Variants in GRIK5 observed in about 807,000 individuals in gnomAD.
The protein encoded by GRIK5 is glutamate ionotropic receptor kainate type subunit 5.
A neutral mutation model predicts 97.4 loss-of-function variants in GRIK5; 43 were observed. The observed-to-expected ratio is 0.44, with a 90% CI of 0.35 to 0.57. The LOEUF is 0.57. GRIK5 is among the 20% of genes least tolerant of loss of function. GRIK5 has a pLI of 0.01. For missense variants in GRIK5, 1,015 were observed against 1,382.0 expected, an observed-to-expected ratio of 0.73 and a Z score of 4.21; for synonymous variants, 580 against 583.5, an observed-to-expected ratio of 0.99 and a Z score of 0.09.
In GRIK5 at chr19:42,002,901, A is replaced by G. The variant is rs1555871336; in HGVS notation, c.2514+431T>C. Reference sequence around the variant, plus strand: ...CAGGTGTGCACCACCATGCCCGGCTAATTTTTGTATTTTTAGTAGAGATGG... The same window carrying G: ...CAGGTGTGCACCACCATGCCCGGCTGATTTTTGTATTTTTAGTAGAGATGG... On this transcript the variant is annotated intron_variant, in intron 19 of 19. Transcript: ENST00000593562. The surrounding 1 kb of genome is among the most constrained non-coding windows in gnomAD (Gnocchi z 5.2). Among the ~76,000 whole-genome samples the G allele has an allele frequency of 6.6e-6, 1 of 151,882 alleles. No individual in the cohort carries two copies. The highest frequency in any genetic ancestry group is 2.4e-5 in the African/African-American group (1 of 41,316).
rs543192801 is a variant in GRIK5 at position 42,022,762 on chromosome 19, G to A, written c.1474-408C>T. On this transcript the variant is annotated intron_variant, in intron 12 of 19. Coordinates refer to ENST00000593562, the MANE Select transcript of GRIK5 (RefSeq NM_002088.5). The surrounding 1 kb of genome is among the most constrained non-coding windows in gnomAD (Gnocchi z 4.2). ...GCCCGGACAGAACACAGAGCAGGGAGAGAGGAGGCAGGGCCCAGAAATGAC... is the reference window on the plus strand; with the variant it reads ...GCCCGGACAGAACACAGAGCAGGGAAAGAGGAGGCAGGGCCCAGAAATGAC... 5.7e-6 allele frequency: 4 copies of A among 700,294 alleles called. No homozygotes were observed. Among genetic ancestry groups the A allele is most frequent in the East Asian group, 1.3e-4 (1 of 7,496 alleles). 43.4% of individuals were successfully genotyped at this position (700,294 alleles called of 1,614,324 possible). A position where few individuals can be genotyped will look rare whatever the true frequency, so the allele number is the denominator to read the frequency against.
intron 5 of GRIK5, among the ~76,000 whole-genome samples, chr19:42,060,325 C>T (rs964554818): frequency 6.6e-6 from 1 of 151,924 alleles, no homozygotes; most frequent in Non-Finnish European, 1.5e-5. Context: ...GTGAGTGAAG[C>T]AGACCAGGTA....
chr19:42,028,823 T>C (rs1264505245), intron 12 of GRIK5, among the ~76,000 whole-genome samples: 3 of 152,272 alleles, frequency 2.0e-5, no homozygotes, highest in Non-Finnish European at 2.9e-5. Flanking sequence ...TAAAGTTTTA[T>C]TGGAACACAG....
In GRIK5 at chr19:42,022,465, A is replaced by G. The variant is rs565779827; in HGVS notation, c.1474-111T>C. On this transcript the variant is annotated intron_variant, in intron 12 of 19. Coordinates refer to ENST00000593562, the MANE Select transcript of GRIK5 (RefSeq NM_002088.5). This position sits in a 1 kb window ranked among gnomAD's most constrained non-coding sequence, Gnocchi z 4.2. ...AGCAACTGAGGGAGGCGAGAGAGAG[A>G]GAGGTAGGGAGGGGGAGGGGCCAGG... 3 of 1,461,538 alleles carry G rather than the reference A, an allele frequency of 2.1e-6. No homozygotes were observed. The highest frequency in any genetic ancestry group is 2.8e-5 in the African/African-American group (2 of 70,930). The allele number at this position is 1,461,538 out of a possible 1,614,324, so 90.5% of individuals were successfully genotyped here.
Position 42,006,052 on chromosome 19 carries a change from T to C in GRIK5, c.2038-104A>G. ...GGAAGTCTCCCTCAACCCAGGAGAA[T>C]GCAAGGTGATCAAAGGAAGACAGAG... On this transcript the variant is annotated intron_variant, in intron 16 of 19. Transcript: ENST00000593562. The surrounding 1 kb of genome is among the most constrained non-coding windows in gnomAD (Gnocchi z 5.3). 1 of 680,220 alleles carries C rather than the reference T, an allele frequency of 1.5e-6. No individual in the cohort carries two copies. The highest frequency in any genetic ancestry group is 1.7e-5 in the South Asian group (1 of 59,542). 42.1% of individuals were successfully genotyped at this position (680,220 alleles called of 1,614,324 possible). A position where few individuals can be genotyped will look rare whatever the true frequency, so the allele number is the denominator to read the frequency against.
chr19:42,041,945 T>C (rs773788204), intron 12 of GRIK5, among the ~76,000 whole-genome samples: 3 of 152,104 alleles, frequency 2.0e-5, no homozygotes, highest in South Asian at 2.1e-4. Flanking sequence ...CTGTGGTCAT[T>C]CACTGTCTTG....
Position 42,009,327 on chromosome 19 carries a change from C to T in GRIK5, c.1872-2517G>A, listed in dbSNP as rs189741128. ...GCGCGATCTCGACTCACTGCAACCTCCGCTTCCCGGGTTCAAGCGATTCTC... is the reference window on the plus strand; with the variant it reads ...GCGCGATCTCGACTCACTGCAACCTTCGCTTCCCGGGTTCAAGCGATTCTC... On this transcript the variant is annotated intron_variant, in intron 15 of 19. Transcript: ENST00000593562. 4.6e-5 allele frequency among the ~76,000 whole-genome samples: 7 copies of T among 152,136 alleles called. No homozygotes were observed. In the East Asian group the frequency reaches 1.4e-3, roughly 30 times the overall value.
chr19:42,068,103 T>C (rs1314685694), intron 1 of GRIK5, among the ~76,000 whole-genome samples: 1 of 151,840 alleles, frequency 6.6e-6, no homozygotes, highest in Non-Finnish European at 1.5e-5. Flanking sequence ...AGAGACAGTA[T>C]GTCGGAGCTG....
At position 42,022,139 on chromosome 19, in the gene GRIK5, C is replaced by A; in HGVS notation, c.1588-83G>T. On this transcript the variant is annotated intron_variant, in intron 13 of 19. Transcript: ENST00000593562. This position sits in a 1 kb window ranked among gnomAD's most constrained non-coding sequence, Gnocchi z 4.2. ...CCCTGCCCTACCAGGGACCTGGGAGCCTGACCGGCCCATCTGAGGTCCTGG... is the reference window on the plus strand; with the variant it reads ...CCCTGCCCTACCAGGGACCTGGGAGACTGACCGGCCCATCTGAGGTCCTGG... The A allele has an allele frequency of 7.2e-7, 1 of 1,387,674 alleles. No individual in the cohort carries two copies. The highest frequency in any genetic ancestry group is 1.2e-5 in the South Asian group (1 of 83,378). The allele number at this position is 1,387,674 out of a possible 1,614,324, so 86.0% of individuals were successfully genotyped here. A position where few individuals can be genotyped will look rare whatever the true frequency, so the allele number is the denominator to read the frequency against.
intron 12 of GRIK5, among the ~76,000 whole-genome samples, chr19:42,041,177 G>A (rs988747962): frequency 2.6e-5 from 4 of 152,196 alleles, no homozygotes; most frequent in African/African-American, 9.6e-5. Context: ...GTCTTCCCTC[G>A]TGATGTTCAG....
chr19:42,013,771 T>C (rs2075593774), intron 15 of GRIK5, among the ~76,000 whole-genome samples: 1 of 152,154 alleles, frequency 6.6e-6, no homozygotes, highest in Non-Finnish European at 1.5e-5. Flanking sequence ...CCAATTACCC[T>C]GATCCCAGCA....
rs568406707 is a variant in GRIK5 at position 42,042,818 on chromosome 19, T to C, written c.1270-63A>G. Reference sequence around the variant, plus strand: ...TGTCTAGTGGCTGGGTTGCGGATCCTGGAGCCCGGACCAGGCAGGTAGAGC... The same window carrying C: ...TGTCTAGTGGCTGGGTTGCGGATCCCGGAGCCCGGACCAGGCAGGTAGAGC... On this transcript the variant is annotated intron_variant, in intron 11 of 19. Transcript: ENST00000593562. The surrounding 1 kb of genome is among the most constrained non-coding windows in gnomAD (Gnocchi z 6.9). The C allele has an allele frequency of 1.5e-6, 2 of 1,312,406 alleles. No homozygotes were observed. Among genetic ancestry groups the C allele is most frequent in the Non-Finnish European group, 2.2e-6 (2 of 928,670 alleles). 81.3% of individuals were successfully genotyped at this position (1,312,406 alleles called of 1,614,324 possible).
At position 42,021,188 on chromosome 19, in the gene GRIK5, C is replaced by G. The variant is rs1387297494; in HGVS notation, c.1871+113G>C. ...CCCCATTCCTCGTCACACAGCTCTG[C>G]AAGGGAAAACGGGGAATCAAATCTT... On this transcript the variant is annotated intron_variant, in intron 15 of 19. Coordinates refer to ENST00000593562, the MANE Select transcript of GRIK5 (RefSeq NM_002088.5). The surrounding 1 kb of genome is among the most constrained non-coding windows in gnomAD (Gnocchi z 4.2). The G allele has an allele frequency of 2.3e-6, 2 of 858,460 alleles. No individual in the cohort carries two copies. The highest frequency in any genetic ancestry group is 3.6e-6 in the Non-Finnish European group (2 of 562,976). 53.2% of individuals were successfully genotyped at this position (858,460 alleles called of 1,614,324 possible).
chr19:42,003,688 G>A lies in GRIK5; in HGVS notation c.2264-5C>T, dbSNP rs1555871703. ...TCTCATCCCGGAACGGGGAGCCTGG[G>A]CAGGCACACGAGGGGCTGGACCAGC... On this transcript the variant is annotated splice_polypyrimidine_tract_variant and splice_region_variant and intron_variant, in intron 17 of 19. Coordinates refer to ENST00000593562, the MANE Select transcript of GRIK5 (RefSeq NM_002088.5). The surrounding 1 kb of genome is among the most constrained non-coding windows in gnomAD (Gnocchi z 4.2). The A allele has an allele frequency of 6.2e-7, 1 of 1,605,884 alleles. No individual in the cohort carries two copies. Among genetic ancestry groups the A allele is most frequent in the Non-Finnish European group, 8.5e-7 (1 of 1,175,900 alleles).
Position 42,003,315 on chromosome 19 carries a change from A to G in GRIK5, c.2514+17T>C, listed in dbSNP as rs782018573. 3 of 810,184 alleles carry G rather than the reference A, an allele frequency of 3.7e-6. No homozygotes were observed. Among genetic ancestry groups the G allele is most frequent in the Non-Finnish European group, 5.6e-6 (3 of 535,532 alleles). 50.2% of individuals were successfully genotyped at this position (810,184 alleles called of 1,614,324 possible). A position where few individuals can be genotyped will look rare whatever the true frequency, so the allele number is the denominator to read the frequency against. On this transcript the variant is annotated intron_variant, in intron 19 of 19. Transcript: ENST00000593562. This position sits in a 1 kb window ranked among gnomAD's most constrained non-coding sequence, Gnocchi z 4.2. ...GGGGTCCCTGTTCCTGCCCACCCCC[A>G]CCCCCAGCCTCCTCACCTCCTCGGA...
At position 41,999,254 on chromosome 19, in the gene GRIK5, A is replaced by C. The variant is rs1599735369; in HGVS notation, c.2560T>G (p.Ser854Ala). The change falls in exon 20 of 20, where the codon TCT (serine) becomes GCT (alanine). Residue 854 changes from serine to alanine, a missense_variant. By Grantham distance (99) the Ser-to-Ala change is moderately conservative. This residue lies in a region of GRIK5 where 229 missense variants were observed against 341.0 expected (regional missense o/e 0.67). Coordinates refer to ENST00000593562, the MANE Select transcript of GRIK5 (RefSeq NM_002088.5). The surrounding 1 kb of genome is among the most constrained non-coding windows in gnomAD (Gnocchi z 5.0). ...CGGGAACGCGACGTCTTGCGGCAAG[A>C]AACGGCGTGGCGCAGCTCCTGCAGC... ...EMLQELRHAV[S>A]CRKTSRSRRR... 1 of 1,524,872 alleles carries C rather than the reference A, an allele frequency of 6.6e-7. No homozygotes were observed. Among genetic ancestry groups the C allele is most frequent in the Admixed American group, 2.0e-5 (1 of 50,254 alleles). 94.5% of individuals were successfully genotyped at this position (1,524,872 alleles called of 1,614,324 possible).
chr19:42,006,839 C>T lies in GRIK5; in HGVS notation c.1872-29G>A, dbSNP rs782206200. 9.7e-6 allele frequency: 15 copies of T among 1,550,622 alleles called. No homozygotes were observed. The highest frequency in any genetic ancestry group is 1.2e-5 in the Non-Finnish European group (14 of 1,146,172). On this transcript the variant is annotated intron_variant, in intron 15 of 19. Transcript: ENST00000593562. This position sits in a 1 kb window ranked among gnomAD's most constrained non-coding sequence, Gnocchi z 5.3. ...AAGGGTGGGAGGGGTGAGTCACGGG[C>T]TGGAGTCACCCCTGCTGACCTGCCC... is the stretch of plus-strand genomic sequence containing the variant.
intron 11 of GRIK5, 54 bp downstream of exon 11, chr19:42,053,548 T>C: frequency 9.5e-7 from 1 of 1,056,458 alleles, no homozygotes. Context: ...CGGTGGGAGC[T>C]AGGACTGGGC....
rs1483073279 is a variant in GRIK5, at chr19:42,062,019, G to C, written c.508+469C>G. Reference sequence around the variant, plus strand: ...CTCTGCCCGTCACACTTTCTACTTAGAACCTGTTCCCTCTTTCTTCCCACA... The same window carrying C: ...CTCTGCCCGTCACACTTTCTACTTACAACCTGTTCCCTCTTTCTTCCCACA... On this transcript the variant is annotated intron_variant, in intron 5 of 19. Coordinates refer to ENST00000593562, the MANE Select transcript of GRIK5 (RefSeq NM_002088.5). This position sits in a 1 kb window ranked among gnomAD's most constrained non-coding sequence, Gnocchi z 5.3. Among the ~76,000 whole-genome samples, 2 of 152,188 alleles carry C rather than the reference G, an allele frequency of 1.3e-5. No individual in the cohort carries two copies. Among genetic ancestry groups the C allele is most frequent in the Non-Finnish European group, 2.9e-5 (2 of 68,034 alleles).
Sources: allele counts gnomAD v4.1 joint callset (sites outside exome capture counted in the v4.1 genomes callset), GRCh38; gene constraint gnomAD v4.1.1; regional missense constraint gnomAD v4.1.1; non-coding constraint Gnocchi (gnomAD v3.1); transcripts MANE v1.5; gene names NCBI Gene and HGNC (gene_info 2026-07-23, HGNC 2026-07-21).